The following HELLS variants were observed in gnomAD, a reference collection of about 807,000 sequenced individuals.
The protein encoded by HELLS is lymphoid-specific helicase.
Under a neutral mutation model 120.0 loss-of-function variants are expected in HELLS, and 32 were observed. The ratio of observed to expected loss-of-function variants is 0.27; its 90% CI spans 0.20 to 0.36. The LOEUF is 0.36. HELLS is among the 10% of genes least tolerant of loss of function. HELLS has a pLI of 1.00. For synonymous variants in HELLS, 341 were observed against 323.4 expected (o/e 1.05, Z -0.58); for missense variants, 650 against 993.4 (o/e 0.65, Z 4.65).
chr10:94,595,054 C>G (rs113208307), intron 19 of HELLS, among the ~76,000 whole-genome samples, 200 bp downstream of exon 19: 1,616 of 152,064 alleles, frequency 0.011, 7 homozygotes, highest in Admixed American at 0.019. Flanking sequence ...ATGGTGAAAC[C>G]GCGTCTCTAC....
At chr10:94,565,773 G>A (rs1347903275) in intron 6 of HELLS, among the ~76,000 whole-genome samples, 2 of 152,118 alleles carry the variant, frequency 1.3e-5, no homozygotes, top group Non-Finnish European at 2.9e-5. Flanking sequence ...AAATGGTTGT[G>A]GAATATCGGT....
At chr10:94,589,356 A>G (rs1845340812) in intron 13 of HELLS, among the ~76,000 whole-genome samples, 1 of 152,208 alleles carries the variant, frequency 6.6e-6, no homozygotes, top group South Asian at 2.1e-4. Context: ...TGAAACTTTG[A>G]GTGCTGATAT....
chr10:94,586,101 TG>T (rs1342201289), intron 12 of HELLS, among the ~76,000 whole-genome samples: 2 of 151,646 alleles, frequency 1.3e-5, no homozygotes, highest in Admixed American at 6.6e-5. Context: ...GACATGGACA[TG>T]TTTTTTTTAA....
Position 94,590,483 on chromosome 10 carries a change from A to C in HELLS, c.1559A>C (p.Lys520Thr), listed in dbSNP as rs1417658714. The change falls in exon 14 of 22, where the codon AAA becomes ACA. Residue 520 changes from lysine (K) to threonine (T), a missense_variant. This residue lies in a region of HELLS where 191 missense variants were observed against 259.7 expected (regional missense o/e 0.74). Transcript: ENST00000348459. ...RRTRKSINYS[K>T]IDDFPNELEK... ...ACTAGAAAATCAATAAATTACAGCA[A>C]AATAGATGATTTCCCTAATGAATTG... The C allele has an allele frequency of 6.2e-7, 1 of 1,612,816 alleles. No individual in the cohort carries two copies.
At chr10:94,571,514 C>A in intron 7 of HELLS, 85 bp downstream of exon 7, 1 of 1,110,576 alleles carries the variant, frequency 9.0e-7, no homozygotes. Flanking sequence ...CAGCAGTATA[C>A]GTTCTTCTCA....
At chr10:94,565,334 C>A (rs899579898) in intron 6 of HELLS, among the ~76,000 whole-genome samples, 1 of 147,484 alleles carries the variant, frequency 6.8e-6, no homozygotes, top group African/African-American at 2.5e-5. Flanking sequence ...GACTCTGTCT[C>A]AAAAAAAACA....
chr10:94,605,072 T>TCCCC (rs3054948), downstream of HELLS, among the ~76,000 whole-genome samples: 68 of 66,820 alleles, frequency 1.0e-3, 7 homozygotes, highest in African/African-American at 1.5e-3. Context: ...GTCTTGTGTC[T>TCCCC]CCCCCCCCCC....
At chr10:94,590,068 G>A (rs765871098) in intron 13 of HELLS, among the ~76,000 whole-genome samples, 6 of 152,076 alleles carry the variant, frequency 3.9e-5, no homozygotes, top group Admixed American at 1.3e-4. Context: ...CTGTTAATGA[G>A]CAATTTCATA....
chr10:94,550,022 G>A (rs1842908456), intron 2 of HELLS, among the ~76,000 whole-genome samples: 1 of 152,174 alleles, frequency 6.6e-6, no homozygotes, highest in African/African-American at 2.4e-5. Flanking sequence ...CGGGGTTCAA[G>A]CAATTCTCCT....
intron 12 of HELLS, chr10:94,584,026 T>G: frequency 1.2e-6 from 1 of 841,800 alleles, no homozygotes; most frequent in South Asian, 1.6e-5. Flanking sequence ...AGTTTACAGA[T>G]GAGGGCTTCT....
chr10:94,595,011 C>T (rs1158392797), intron 19 of HELLS, among the ~76,000 whole-genome samples, 157 bp downstream of exon 19: 13 of 152,044 alleles, frequency 8.6e-5, no homozygotes, highest in Admixed American at 8.5e-4. Flanking sequence ...GAGTGGATCA[C>T]GAGGTCAGGA....
chr10:94,603,910 C>T (rs1286411895), downstream of HELLS, among the ~76,000 whole-genome samples: 1 of 152,078 alleles, frequency 6.6e-6, no homozygotes, highest in Admixed American at 6.5e-5. Context: ...TGACTGCAAT[C>T]TCTGTGTCCC....
At chr10:94,592,772 G>A (rs1845555594) in intron 17 of HELLS, among the ~76,000 whole-genome samples, 1 of 151,272 alleles carries the variant, frequency 6.6e-6, no homozygotes, top group South Asian at 2.1e-4. Flanking sequence ...TGGGATAGCA[G>A]GAAATTTTTT....
chr10:94,571,401 T>C lies in HELLS; in HGVS notation c.449T>C (p.Val150Ala), dbSNP rs968345662. 1 of 1,494,930 alleles carries C rather than the reference T, an allele frequency of 6.7e-7. No homozygotes were observed. The highest frequency in any genetic ancestry group is 1.8e-4 in the Middle Eastern group (1 of 5,698). 92.6% of individuals were successfully genotyped at this position (1,494,930 alleles called of 1,614,324 possible). ...EVMSKEEILS[V>A]AKKNKKENED... ...TCAAACTACTAGGAAATTTTGTCTG[T>C]GGCTAAAAAAAATAAAAAGGAGAAT... Residue 150 changes from valine (V) to alanine (A), a missense_variant, in exon 7 of 22, where the codon GTG (valine) becomes GCG (alanine). Transcript: ENST00000348459.
intron 6 of HELLS, among the ~76,000 whole-genome samples, chr10:94,568,317 C>G (rs1170564176): frequency 6.6e-6 from 1 of 151,456 alleles, no homozygotes; most frequent in African/African-American, 2.4e-5. Flanking sequence ...GAAATTGATA[C>G]CTAGCACAAA....
intron 9 of HELLS, among the ~76,000 whole-genome samples, chr10:94,608,933 G>T (rs1362210115): frequency 1.4e-5 from 2 of 147,930 alleles, no homozygotes; most frequent in Non-Finnish European, 3.0e-5. Context: ...ACCGCACCCA[G>T]CCCACAATTT....
At chr10:94,613,826 G>T (rs1021761898) in exon 10 of HELLS, 26 of 152,130 alleles carry the variant, frequency 1.7e-4, no homozygotes, top group African/African-American at 5.3e-4. Context: ...TACTTGAAAA[G>T]AATGTATATT....
downstream of HELLS, among the ~76,000 whole-genome samples, chr10:94,604,919 C>T (rs1441286088): frequency 3.9e-5 from 6 of 152,090 alleles, no homozygotes; most frequent in Non-Finnish European, 8.8e-5. Context: ...AAACCTCCCC[C>T]TCCAAATATA....
chr10:94,579,666 T>C (rs1844719411), intron 10 of HELLS, among the ~76,000 whole-genome samples: 3 of 151,818 alleles, frequency 2.0e-5, no homozygotes, highest in African/African-American at 7.3e-5. Flanking sequence ...CTCTGTCTCC[T>C]GAGTAGCCGG....
Sources: gnomAD v4.1 joint callset for allele counts (sites outside exome capture counted in the v4.1 genomes callset) on GRCh38, gnomAD v4.1.1 for gene constraint, gnomAD v4.1.1 regional missense constraint, MANE v1.5 for transcripts, NCBI Gene and HGNC (gene_info 2026-07-23, HGNC 2026-07-21) for gene names.